The following TENM2 variants were observed in gnomAD, a reference collection of about 807,000 sequenced individuals.
The protein encoded by TENM2 is teneurin-2.
A neutral mutation model predicts 245.2 loss-of-function variants in TENM2; 52 were observed. The ratio of observed to expected loss-of-function variants is 0.21; its 90% CI spans 0.17 to 0.27. TENM2 has a LOEUF of 0.27. TENM2 is among the 10% of genes least tolerant of loss of function. TENM2 has a pLI of 1.00. For missense variants in TENM2, 3,046 were observed against 3,666.8 expected (o/e 0.83, Z 4.37); for synonymous variants, 1,363 against 1,438.9 (o/e 0.95, Z 1.19).
chr5:167,228,440 T>C, the TENM2 span, among the ~76,000 whole-genome samples: 4 of 152,168 alleles, frequency 2.6e-5, no homozygotes, highest in Non-Finnish European at 4.4e-5. Flanking sequence ...TTTTTTGTGA[T>C]GTATATCTCT....
At chr5:168,090,180 G>A (rs1157408623) in intron 7 of TENM2, among the ~76,000 whole-genome samples, 1 of 151,156 alleles carries the variant, frequency 6.6e-6, no homozygotes, top group Non-Finnish European at 1.5e-5. Context: ...ACATAATGCA[G>A]AGGGGGACTG....
chr5:168,190,279 TC>T, intron 13 of TENM2, 57 bp from the exon 16 acceptor site: 1 of 1,403,870 alleles, frequency 7.1e-7, no homozygotes, highest in Non-Finnish European at 9.9e-7. Context: ...TGTTAGTGTC[TC>T]CAAACAGCTT....
At position 167,559,962 on chromosome 5, in the gene TENM2, G is replaced by T. The variant is rs117338033; in HGVS notation, c.502+184489G>T. 3.3e-3 allele frequency among the ~76,000 whole-genome samples: 500 copies of T among 152,182 alleles called. 6 individuals are homozygous for T. The highest frequency in any genetic ancestry group is 0.029 in the East Asian group (150 of 5,180). On this transcript the variant is annotated intron_variant, in intron 2 of 28. Coordinates refer to ENST00000518659, the Ensembl canonical transcript of TENM2. The stretch of plus-strand genomic sequence containing the variant: ...GCTGACAGACAAGGGTGGCTCTCAC[G>T]ACCAAGGCAATCCCCACCCCTCCTC...
At chr5:167,381,981 A>G (rs1417888157) in intron 2 of TENM2, among the ~76,000 whole-genome samples, 4 of 152,194 alleles carry the variant, frequency 2.6e-5, no homozygotes, top group Admixed American at 1.3e-4. Context: ...AAATGATTGT[A>G]TATGTGGGGG....
chr5:167,656,669 G>A (rs1329185593), intron 2 of TENM2, among the ~76,000 whole-genome samples: 3 of 151,552 alleles, frequency 2.0e-5, no homozygotes, highest in Non-Finnish European at 2.9e-5. Flanking sequence ...TTAAATATAT[G>A]CGTTTTTAAA....
chr5:167,899,200 G>A (rs1420549872), intron 3 of TENM2, among the ~76,000 whole-genome samples: 1 of 152,136 alleles, frequency 6.6e-6, no homozygotes, highest in African/African-American at 2.4e-5. Flanking sequence ...GCATGTGCAG[G>A]GGAAAAAATA....
chr5:167,494,378 A>G (rs1344137227), intron 2 of TENM2, among the ~76,000 whole-genome samples: 1 of 152,172 alleles, frequency 6.6e-6, no homozygotes, highest in East Asian at 1.9e-4. Context: ...TTGTCAGTAG[A>G]CAATAGGGAG....
At chr5:167,979,483 C>T (rs1284050445) in intron 4 of TENM2, among the ~76,000 whole-genome samples, 1 of 152,158 alleles carries the variant, frequency 6.6e-6, no homozygotes. Context: ...CAGTTACAAA[C>T]TGGGAACTGG....
intron 2 of TENM2, among the ~76,000 whole-genome samples, chr5:167,814,253 G>A (rs749321137): frequency 1.3e-5 from 2 of 151,986 alleles, no homozygotes; most frequent in Admixed American, 6.6e-5. Context: ...GTCGTCTGTC[G>A]GAAAATAAAT....
intron 1 of TENM2, among the ~76,000 whole-genome samples, chr5:167,374,736 G>T (rs971213154): frequency 1.3e-5 from 2 of 151,950 alleles, no homozygotes; most frequent in Non-Finnish European, 1.5e-5. Context: ...GCATGGCCTT[G>T]GATAAGTGCC....
chr5:168,030,941 C>T (rs1027827136), intron 5 of TENM2, among the ~76,000 whole-genome samples: 30 of 152,160 alleles, frequency 2.0e-4, no homozygotes, highest in Admixed American at 6.5e-4. Flanking sequence ...AGGAAAGACC[C>T]TGTTTTTACT....
At chr5:167,515,765 A>T (rs1313592894) in intron 2 of TENM2, among the ~76,000 whole-genome samples, 3 of 145,132 alleles carry the variant, frequency 2.1e-5, no homozygotes, top group African/African-American at 7.8e-5. Flanking sequence ...CTCCGGGTTC[A>T]TGCCATTCTC....
At chr5:167,899,607 G>A (rs908833860) in intron 3 of TENM2, among the ~76,000 whole-genome samples, 3 of 152,264 alleles carry the variant, frequency 2.0e-5, no homozygotes, top group East Asian at 1.9e-4. Flanking sequence ...GTGAATTCAG[G>A]AAGTCCAGCT....
intron 4 of TENM2, among the ~76,000 whole-genome samples, chr5:167,991,546 G>T (rs1358285912): frequency 6.6e-6 from 1 of 152,182 alleles, no homozygotes; most frequent in Admixed American, 6.5e-5. Context: ...AATCATCAGA[G>T]AATTAATGGT....
At chr5:168,075,871 G>A (rs1211854675) in intron 7 of TENM2, among the ~76,000 whole-genome samples, 1 of 152,174 alleles carries the variant, frequency 6.6e-6, no homozygotes, top group African/African-American at 2.4e-5. Context: ...GAGAGCATTT[G>A]CAAGGGAACT....
chr5:168,165,855 A>T (rs1758245115), intron 13 of TENM2: 1 of 151,478 alleles, frequency 6.6e-6, no homozygotes, highest in African/African-American at 2.4e-5. Flanking sequence ...CAGTTAATTC[A>T]GAGTTGCTTA....
chr5:167,498,323 C>T (rs1198695057), intron 2 of TENM2, among the ~76,000 whole-genome samples: 3 of 152,106 alleles, frequency 2.0e-5, no homozygotes, highest in African/African-American at 7.2e-5. Context: ...GATTTGTAGA[C>T]TGATTGGAGA....
chr5:167,082,563 G>A, the TENM2 span, among the ~76,000 whole-genome samples: 3 of 152,112 alleles, frequency 2.0e-5, no homozygotes, highest in Non-Finnish European at 4.4e-5. Context: ...CTGGGATCAG[G>A]CATGAGCCAC....
intron 2 of TENM2, among the ~76,000 whole-genome samples, chr5:167,833,122 G>T (rs1768657453): frequency 6.6e-6 from 1 of 152,012 alleles, no homozygotes; most frequent in African/African-American, 2.4e-5. Flanking sequence ...TGGGAAACAA[G>T]ACATTTTTCC....
Sources: allele counts gnomAD v4.1 joint callset (sites outside exome capture counted in the v4.1 genomes callset), GRCh38; gene constraint gnomAD v4.1.1; transcripts MANE v1.5; gene names NCBI Gene and HGNC (gene_info 2026-07-23, HGNC 2026-07-21).